The following PHACTR2 variants were observed in gnomAD, a reference collection of about 807,000 sequenced individuals.
The protein encoded by PHACTR2 is chromosome 6 open reading frame 56.
In PHACTR2, 30 loss-of-function variants were observed where a neutral mutation model predicts 76.0. The ratio of observed to expected loss-of-function variants is 0.39; its 90% CI spans 0.30 to 0.54. PHACTR2 has a LOEUF of 0.54. Ranked by LOEUF, PHACTR2 falls within the 20% of genes least tolerant of loss-of-function variation. The pLI, the probability that PHACTR2 is intolerant of heterozygous loss-of-function variation, is 0.61. For missense variants in PHACTR2, 696 were observed against 781.1 expected (o/e 0.89, Z 1.30); for synonymous variants, 292 against 292.5 (o/e 1.00, Z 0.02).
chr6:143,627,664 C>CGATCT lies in PHACTR2; in HGVS notation c.13+19343_13+19347dup, dbSNP rs1776283594. The stretch of plus-strand genomic sequence containing the variant: ...TCACCCAGGCTGGAATGCAGTGGCA[C>CGATCT]GATCTCGGCTCACTGCAACCTCCGC... On this transcript the variant is annotated intron_variant, in intron 1 of 11. Transcript: ENST00000305766. This position sits in a 1 kb window ranked among gnomAD's most constrained non-coding sequence, Gnocchi z 4.3. 6.6e-6 allele frequency among the ~76,000 whole-genome samples: 1 copy of CGATCT among 150,518 alleles called. No individual in the cohort carries two copies. The highest frequency in any genetic ancestry group is 6.6e-5 in the Admixed American group (1 of 15,050).
intron 11 of PHACTR2, among the ~76,000 whole-genome samples, chr6:143,802,647 CA>C (rs55737411): frequency 1.3e-3 from 121 of 90,102 alleles, no homozygotes; most frequent in East Asian, 2.3e-3. Flanking sequence ...GACCCTGTCT[CA>C]AAAAAAAAAA....
chr6:143,722,080 A>G lies in PHACTR2; in HGVS notation c.214+9897A>G, dbSNP rs1221217640. 3.3e-5 allele frequency among the ~76,000 whole-genome samples: 5 copies of G among 152,252 alleles called. No individual in the cohort carries two copies. Among genetic ancestry groups the G allele is most frequent in the Admixed American group, 6.5e-5 (1 of 15,288 alleles). On this transcript the variant is annotated intron_variant, in intron 2 of 12. Coordinates refer to ENST00000440869, the MANE Select transcript of PHACTR2 (RefSeq NM_001100164.2). The surrounding 1 kb of genome is among the most constrained non-coding windows in gnomAD (Gnocchi z 4.1). ...AGGAATTTACCAGTAAGAATTAAGC[A>G]TCTTGTAAATGTCTAGGGAGCTGGA...
At chr6:143,711,920 C>A (rs115824318) in intron 1 of PHACTR2, 96 bp from the exon 2 acceptor site, 3 of 1,018,262 alleles carry the variant, frequency 2.9e-6, no homozygotes, top group African/African-American at 1.6e-5. Context: ...TTAGAGTGGA[C>A]GTGCTTACCG....
At chr6:143,667,336 G>A (rs1284076998) in intron 1 of PHACTR2, among the ~76,000 whole-genome samples, 1 of 152,110 alleles carries the variant, frequency 6.6e-6, no homozygotes, top group African/African-American at 2.4e-5. Flanking sequence ...TGTTCTTTTT[G>A]CTTAGGATTG....
At chr6:143,542,614 A>G (rs561326699) in intron 1 of PHACTR2, among the ~76,000 whole-genome samples, 2 of 152,238 alleles carry the variant, frequency 1.3e-5, no homozygotes, top group South Asian at 2.1e-4. Context: ...TCTCTCCTTC[A>G]TAGGTGTTTC....
chr6:143,690,201 C>T (rs1777612553), intron 1 of PHACTR2, among the ~76,000 whole-genome samples: 1 of 152,206 alleles, frequency 6.6e-6, no homozygotes, highest in Non-Finnish European at 1.5e-5. Flanking sequence ...TAACGAATCG[C>T]TTCTCAATAT....
Position 143,772,408 on chromosome 6 carries a change from G to A in PHACTR2, c.1383G>A (p.Leu461=), listed in dbSNP as rs1325117267. 1 of 1,614,138 alleles carries A rather than the reference G, an allele frequency of 6.2e-7. No homozygotes were observed. Among genetic ancestry groups the A allele is most frequent in the African/African-American group, 1.3e-5 (1 of 75,058 alleles). Residue 461 remains leucine (L), a synonymous_variant, in exon 7 of 13, where the codon TTG becomes TTA. Coordinates refer to ENST00000440869, the MANE Select transcript of PHACTR2 (RefSeq NM_001100164.2). This position sits in a 1 kb window ranked among gnomAD's most constrained non-coding sequence, Gnocchi z 5.4. ...ACTCTGACTCGGACGGGCCTATCTT[G>A]TACACCGATGATGAGGACGAAGACG... is the stretch of plus-strand genomic sequence containing the variant. The part of the protein sequence containing the change: ...ANDSDSDGPI[L]YTDDEDEDED...
chr6:143,740,947 G>A (rs1430714465), intron 2 of PHACTR2, among the ~76,000 whole-genome samples: 2 of 152,148 alleles, frequency 1.3e-5, no homozygotes, highest in African/African-American at 4.8e-5. Flanking sequence ...ATCTGAGGAG[G>A]AAAATAAAAA....
rs1162142065 is a variant in PHACTR2 at position 143,591,640 on chromosome 6, G to A, written c.217+54433G>A. On this transcript the variant is annotated intron_variant, in intron 1 of 11. Transcript: ENST00000367584. This position sits in a 1 kb window ranked among gnomAD's most constrained non-coding sequence, Gnocchi z 6.4. ...TGAACCTCTTGCCTAGGGCTGTGAAGGCCAAATGGAATTGAGGACATCTCA... is the reference window on the plus strand; with the variant it reads ...TGAACCTCTTGCCTAGGGCTGTGAAAGCCAAATGGAATTGAGGACATCTCA... 6.6e-6 allele frequency among the ~76,000 whole-genome samples: 1 copy of A among 152,244 alleles called. No homozygotes were observed. The highest frequency in any genetic ancestry group is 2.4e-5 in the African/African-American group (1 of 41,466).
chr6:143,644,334 G>A (rs1776618029), intron 1 of PHACTR2, among the ~76,000 whole-genome samples: 1 of 152,066 alleles, frequency 6.6e-6, no homozygotes, highest in Non-Finnish European at 1.5e-5. Context: ...CGGGCATGGT[G>A]GCGGGCGCTT....
chr6:143,615,561 G>A (rs1450677738), intron 1 of PHACTR2, among the ~76,000 whole-genome samples: 1 of 152,016 alleles, frequency 6.6e-6, no homozygotes, highest in Non-Finnish European at 1.5e-5. Context: ...ATAAATTTAT[G>A]ACAATTTATA....
rs1017065060 is a variant in PHACTR2 at position 143,783,523 on chromosome 6, G to A, written c.1707+243G>A. Among the ~76,000 whole-genome samples, 1 of 152,188 alleles carries A rather than the reference G, an allele frequency of 6.6e-6. No homozygotes were observed. Among genetic ancestry groups the A allele is most frequent in the Non-Finnish European group, 1.5e-5 (1 of 68,038 alleles). On this transcript the variant is annotated intron_variant, in intron 10 of 12. Transcript: ENST00000440869. This position sits in a 1 kb window ranked among gnomAD's most constrained non-coding sequence, Gnocchi z 5.2. Reference sequence around the variant, plus strand: ...AGTTCCAGCTACTCAGGAGGCTGAGGTGGGAAGATTGCTTCAGCCTGGGAG... The same window carrying A: ...AGTTCCAGCTACTCAGGAGGCTGAGATGGGAAGATTGCTTCAGCCTGGGAG...
chr6:143,677,185 T>C (rs1012750397), upstream of PHACTR2, among the ~76,000 whole-genome samples: 1 of 152,130 alleles, frequency 6.6e-6, no homozygotes, highest in Non-Finnish European at 1.5e-5. Flanking sequence ...ATGCACCATA[T>C]ACAGATGTTC....
rs1241638683 is a variant in PHACTR2, at chr6:143,611,310, G to C, written c.13+2988G>C. On this transcript the variant is annotated intron_variant, in intron 1 of 11. Transcript: ENST00000305766. The surrounding 1 kb of genome is among the most constrained non-coding windows in gnomAD (Gnocchi z 4.4). ...CCCTGCGCCTTCACCGTGCATTCTA[G>C]CTCAGTGGTTCAAAGCCTTTTGACA... 6.6e-6 allele frequency among the ~76,000 whole-genome samples: 1 copy of C among 152,156 alleles called. No individual in the cohort carries two copies. Among genetic ancestry groups the C allele is most frequent in the African/African-American group, 2.4e-5 (1 of 41,416 alleles).
chr6:143,611,000 A>T lies in PHACTR2; in HGVS notation c.13+2678A>T, dbSNP rs1230221828. ...ACCTGTGACTACAAGCATCATCAGC[A>T]TTCTGCCAGTGCCACTATCCTCCTT... On this transcript the variant is annotated intron_variant, in intron 1 of 11. Coordinates refer to the PHACTR2 transcript ENST00000305766. The surrounding 1 kb of genome is among the most constrained non-coding windows in gnomAD (Gnocchi z 4.9). Among the ~76,000 whole-genome samples the T allele has an allele frequency of 6.6e-6, 1 of 152,158 alleles. No individual in the cohort carries two copies. The highest frequency in any genetic ancestry group is 1.5e-5 in the Non-Finnish European group (1 of 68,026).
chr6:143,673,367 A>G (rs2128451283), upstream of PHACTR2, among the ~76,000 whole-genome samples: 1 of 152,172 alleles, frequency 6.6e-6, no homozygotes, highest in African/African-American at 2.4e-5. Flanking sequence ...ACCATTAAGG[A>G]GATAACATAA....
chr6:143,734,652 TC>T (rs1778778899), intron 2 of PHACTR2, among the ~76,000 whole-genome samples: 2 of 152,206 alleles, frequency 1.3e-5, no homozygotes. Flanking sequence ...CCCTTTTTTT[TC>T]CATCACATTT....
rs938960568 is a variant in PHACTR2 at position 143,767,510 on chromosome 6, G to A, written c.1232+1712G>A. 6.6e-6 allele frequency among the ~76,000 whole-genome samples: 1 copy of A among 152,076 alleles called. No individual in the cohort carries two copies. The highest frequency in any genetic ancestry group is 6.6e-5 in the Admixed American group (1 of 15,260). On this transcript the variant is annotated intron_variant, in intron 6 of 12. Transcript: ENST00000440869. The surrounding 1 kb of genome is among the most constrained non-coding windows in gnomAD (Gnocchi z 4.4). ...GAAAAGAAGATTTATTGAAATGAAC[G>A]GTTATGGTGTCTTTCTTAGGACATT... is the stretch of plus-strand genomic sequence containing the variant.
At chr6:143,628,941 A>G (rs1382945775) in intron 1 of PHACTR2, among the ~76,000 whole-genome samples, 5 of 37,094 alleles carry the variant, frequency 1.3e-4, no homozygotes, top group Non-Finnish European at 2.7e-4. Flanking sequence ...ATATATATAT[A>G]TATATATATA....
Sources: gnomAD v4.1 joint callset for allele counts (sites outside exome capture counted in the v4.1 genomes callset) on GRCh38, gnomAD v4.1.1 for gene constraint, Gnocchi (gnomAD v3.1) non-coding constraint, MANE v1.5 for transcripts, NCBI Gene and HGNC (gene_info 2026-07-23, HGNC 2026-07-21) for gene names.